Variants in MYO1D observed in about 807,000 individuals in gnomAD.
MYO1D encodes unconventional myosin-Id.
In MYO1D, 83 loss-of-function variants were observed where a neutral mutation model predicts 122.0. The observed-to-expected ratio is 0.68, with a 90% CI of 0.57 to 0.82. MYO1D has a LOEUF of 0.82. Among genes scored for constraint, MYO1D ranks in the 40% least tolerant of loss-of-function variants. MYO1D has a pLI of 0.00. For missense variants in MYO1D, 1,157 were observed against 1,269.5 expected, an observed-to-expected ratio of 0.91 and a Z score of 1.35; for synonymous variants, 464 against 446.9, an observed-to-expected ratio of 1.04 and a Z score of -0.48.
intron 21 of MYO1D, among the ~76,000 whole-genome samples, chr17:32,603,070 T>TAAAA (rs3040377): frequency 4.7e-5 from 7 of 148,396 alleles, no homozygotes; most frequent in African/African-American, 1.7e-4. Context: ...CACCAAGAAT[T>TAAAA]AAAAAAAAAA....
At chr17:32,598,810 A>T (rs1286801626) in intron 21 of MYO1D, among the ~76,000 whole-genome samples, 1 of 152,252 alleles carries the variant, frequency 6.6e-6, no homozygotes, top group Non-Finnish European at 1.5e-5. Context: ...AAAGAACATA[A>T]GCAAACTATA....
intron 20 of MYO1D, among the ~76,000 whole-genome samples, chr17:32,609,016 G>A (rs973738175): frequency 1.3e-5 from 2 of 152,160 alleles, no homozygotes; most frequent in African/African-American, 4.8e-5. Context: ...TGAGGAGTCC[G>A]ATACAAGGGA....
chr17:32,872,529 C>T (rs1443414758), intron 1 of MYO1D, among the ~76,000 whole-genome samples: 1 of 151,978 alleles, frequency 6.6e-6, no homozygotes, highest in East Asian at 1.9e-4. Context: ...CCGCCTCAGC[C>T]TCCCAAAGTG....
intron 21 of MYO1D, among the ~76,000 whole-genome samples, chr17:32,602,152 A>G (rs757390753): frequency 4.6e-5 from 7 of 152,208 alleles, no homozygotes; most frequent in Admixed American, 6.5e-5. Context: ...TTTTTCTTAC[A>G]TCTTCCTTAT....
chr17:32,569,935 C>G (rs1463540836), intron 21 of MYO1D, among the ~76,000 whole-genome samples: 1 of 152,156 alleles, frequency 6.6e-6, no homozygotes, highest in African/African-American at 2.4e-5. Flanking sequence ...TCTCTGAGAA[C>G]TAGAAGAAAC....
At chr17:32,729,562 G>A (rs150804168) in intron 14 of MYO1D, among the ~76,000 whole-genome samples, 1 of 152,150 alleles carries the variant, frequency 6.6e-6, no homozygotes, top group African/African-American at 2.4e-5. Flanking sequence ...AAAGGTTTTG[G>A]TAAGTGCATC....
In MYO1D at chr17:32,712,108, A is replaced by T. The variant is rs555558566; in HGVS notation, c.2001T>A (p.Gly667=). The T allele has an allele frequency of 1.2e-6, 2 of 1,614,120 alleles. No individual in the cohort carries two copies. The highest frequency in any genetic ancestry group is 1.7e-6 in the Non-Finnish European group (2 of 1,180,000). The change falls in exon 16 of 22, where the codon GGT becomes GGA. Residue 667 remains glycine (G), a synonymous_variant. Transcript: ENST00000318217. Reference sequence around the variant, plus strand: ...TCCCATAAGCTACATCATCCTGAAAACCACACCGTTCAATTAGTTTCTTGA... The same window carrying T: ...TCCCATAAGCTACATCATCCTGAAATCCACACCGTTCAATTAGTTTCTTGA... The part of the protein sequence containing the change: ...EAVKKLIERC[G]FQDDVAYGKT...
intron 14 of MYO1D, among the ~76,000 whole-genome samples, chr17:32,732,083 C>G (rs140693574): frequency 6.6e-6 from 1 of 152,352 alleles, no homozygotes; most frequent in East Asian, 1.9e-4. Flanking sequence ...CCCCTGCTAC[C>G]TTGGCCCCCT....
rs2090168812 is a variant in MYO1D at position 32,776,029 on chromosome 17, T to G, written c.399A>C (p.Arg133Ser). Residue 133 changes from arginine to serine, a missense_variant and splice_region_variant, in exon 4 of 22, where the codon AGA becomes AGC. Transcript: ENST00000318217. ...TGGACTTAAGCAACATATTCTTCACTCTTTAACACAGATAAATGAAAGTCA... is the reference window on the plus strand; with the variant it reads ...TGGACTTAAGCAACATATTCTTCACGCTTTAACACAGATAAATGAAAGTCA... ...TNPSQRAEVE[R>S]VKNMLLKSNC... 1.9e-6 allele frequency: 3 copies of G among 1,608,418 alleles called. No homozygotes were observed. The highest frequency in any genetic ancestry group is 2.5e-6 in the Non-Finnish European group (3 of 1,178,662).
intron 13 of MYO1D, among the ~76,000 whole-genome samples, chr17:32,743,679 G>A (rs981814882): frequency 4.6e-5 from 7 of 151,434 alleles, no homozygotes; most frequent in East Asian, 3.9e-4. Context: ...GTGCAGTGGC[G>A]CGATCTCGGC....
intron 20 of MYO1D, among the ~76,000 whole-genome samples, chr17:32,629,502 A>G (rs1358379594): frequency 6.6e-6 from 1 of 152,196 alleles, no homozygotes; most frequent in East Asian, 1.9e-4. Flanking sequence ...TGGGAGGCCA[A>G]GGCAGGTGGG....
At chr17:32,706,020 T>A (rs747390170) in intron 16 of MYO1D, among the ~76,000 whole-genome samples, 4 of 152,222 alleles carry the variant, frequency 2.6e-5, no homozygotes, top group Admixed American at 6.5e-5. Flanking sequence ...CTTTATAAAT[T>A]ACCCAGTCTT....
At chr17:32,613,789 CAA>C (rs60701225) in intron 20 of MYO1D, among the ~76,000 whole-genome samples, 22 of 51,050 alleles carry the variant, frequency 4.3e-4, no homozygotes, top group Admixed American at 3.4e-3. Context: ...GATTCCATCT[CAA>C]AAAAAAAAAA....
chr17:32,728,921 CT>C (rs1480969648), intron 14 of MYO1D, among the ~76,000 whole-genome samples: 1 of 152,162 alleles, frequency 6.6e-6, no homozygotes, highest in Non-Finnish European at 1.5e-5. Context: ...GGGGGAAGCC[CT>C]TTCATCCTGT....
intron 21 of MYO1D, among the ~76,000 whole-genome samples, chr17:32,567,186 A>C (rs1446374527): frequency 6.6e-6 from 1 of 152,150 alleles, no homozygotes; most frequent in Non-Finnish European, 1.5e-5. Flanking sequence ...AGAAGAGCTG[A>C]ATTAGAGCAT....
chr17:32,830,808 C>T (rs141030249), intron 1 of MYO1D, among the ~76,000 whole-genome samples: 2,842 of 152,200 alleles, frequency 0.019, 85 homozygotes, highest in African/African-American at 0.064. Context: ...GCCTGTAATC[C>T]CAGCACTTTG....
At chr17:32,561,874 A>T (rs2087129506) in intron 21 of MYO1D, among the ~76,000 whole-genome samples, 2 of 152,152 alleles carry the variant, frequency 1.3e-5, no homozygotes, top group Admixed American at 1.3e-4. Flanking sequence ...AGAGTTAAAA[A>T]TTTTCTGTGA....
intron 21 of MYO1D, among the ~76,000 whole-genome samples, chr17:32,587,794 C>T (rs1460637018): frequency 6.6e-6 from 1 of 152,212 alleles, no homozygotes; most frequent in Non-Finnish European, 1.5e-5. Context: ...ATTGGCGGCC[C>T]AGATGCACTG....
intron 1 of MYO1D, among the ~76,000 whole-genome samples, chr17:32,829,479 A>T (rs1028557838): frequency 6.6e-6 from 1 of 152,158 alleles, no homozygotes; most frequent in African/African-American, 2.4e-5. Flanking sequence ...TTGGAGACAG[A>T]GTCTTGCTCT....
Sources: gnomAD v4.1 joint callset for allele counts (sites outside exome capture counted in the v4.1 genomes callset) on GRCh38, gnomAD v4.1.1 for gene constraint, MANE v1.5 for transcripts, NCBI Gene and HGNC (gene_info 2026-07-23, HGNC 2026-07-21) for gene names.